Variants in ITPR1 observed in about 807,000 individuals in gnomAD.
ITPR1 encodes the protein inositol 1,4,5-trisphosphate receptor type 1, also known as inositol 1,4,5-trisphosphate-gated calcium channel ITPR1.
ITPR1 carries 96 observed loss-of-function variants against 318.4 expected under a neutral mutation model. The ratio of observed to expected loss-of-function variants is 0.30; its 90% confidence interval spans 0.26 to 0.36. The LOEUF (loss-of-function observed/expected upper bound fraction) is 0.36. Ranked by LOEUF, ITPR1 falls within the 10% of genes least tolerant of loss-of-function variation. The pLI is 1.00. For missense variants in ITPR1, 2,440 were observed against 3,460.2 expected (o/e 0.71, Z 7.40); for synonymous variants, 1,312 against 1,289.9 (o/e 1.02, Z -0.37).
chr3:4,829,881 A>C (rs1011908681), intron 60 of ITPR1, among the ~76,000 whole-genome samples: 3 of 142,892 alleles, frequency 2.1e-5, no homozygotes, highest in Non-Finnish European at 4.6e-5. Context: ...CCTGAGCCTC[A>C]GGCTGTCTCT....
rs544648023 is a variant in ITPR1 at position 4,507,955 on chromosome 3, G to A, written c.-16-8521G>A. Among the ~76,000 whole-genome samples, 5 of 152,304 alleles carry A rather than the reference G, an allele frequency of 3.3e-5. No individual in the cohort carries two copies. The South Asian group carries it at 1.0e-3, about 32-fold the overall frequency. ...TTACAAATTCAGGCTTCTGGGGAGT[G>A]TTTTGCGTGTGTCTTGGGTCAGTGA... On this transcript the variant is annotated intron_variant, in intron 2 of 61. Transcript: ENST00000649015.
chr3:4,830,748 G>A (rs916647219), intron 60 of ITPR1, among the ~76,000 whole-genome samples: 12 of 152,082 alleles, frequency 7.9e-5, no homozygotes, highest in South Asian at 2.1e-4. Context: ...GACCATCTTC[G>A]CCTCCTTGCG....
At chr3:4,634,611 GA>G (rs1356052421) in intron 5 of ITPR1, among the ~76,000 whole-genome samples, 2 of 151,918 alleles carry the variant, frequency 1.3e-5, no homozygotes, top group African/African-American at 2.4e-5. Context: ...CTGTGAGTAG[GA>G]AAAGCAAAAA....
intron 40 of ITPR1, 68 bp downstream of exon 40, chr3:4,717,467 G>A (rs538390989): frequency 7.9e-6 from 10 of 1,261,314 alleles, no homozygotes; most frequent in Non-Finnish European, 1.1e-5. Context: ...TTCCCAGTTA[G>A]CCCTGTGATC....
chr3:4,764,674 C>T (rs1197782181), intron 44 of ITPR1, among the ~76,000 whole-genome samples: 2 of 152,172 alleles, frequency 1.3e-5, no homozygotes, highest in South Asian at 2.1e-4. Flanking sequence ...GATGAGGGGC[C>T]CTAGCTGTGG....
intron 59 of ITPR1, chr3:4,817,566 G>A (rs1273403771): frequency 2.0e-5 from 3 of 152,228 alleles, no homozygotes; most frequent in African/African-American, 4.8e-5. Flanking sequence ...AATACGTACA[G>A]ACTAGAATTG....
intron 60 of ITPR1, among the ~76,000 whole-genome samples, chr3:4,829,712 T>C (rs1250116383): frequency 6.6e-6 from 1 of 152,166 alleles, no homozygotes; most frequent in East Asian, 1.9e-4. Flanking sequence ...TTGATATTAA[T>C]GTCCCTCCAT....
At chr3:4,508,792 C>T (rs541106297) in intron 2 of ITPR1, among the ~76,000 whole-genome samples, 12 of 152,198 alleles carry the variant, frequency 7.9e-5, no homozygotes, top group East Asian at 5.8e-4. Flanking sequence ...TGTTAGAAGG[C>T]GGGGGAGTTG....
chr3:4,704,146 C>G (rs910211183), intron 36 of ITPR1, among the ~76,000 whole-genome samples: 1 of 152,182 alleles, frequency 6.6e-6, no homozygotes, highest in Non-Finnish European at 1.5e-5. Context: ...GGCGCAGTGG[C>G]TCATGCCTGT....
At chr3:4,703,039 C>T (rs1366409232) in intron 36 of ITPR1, 89 bp downstream of exon 36, 3 of 1,428,310 alleles carry the variant, frequency 2.1e-6, no homozygotes, top group Admixed American at 1.9e-5. Flanking sequence ...CTCATTACAA[C>T]TCTTCTAAAG....
intron 40 of ITPR1, among the ~76,000 whole-genome samples, chr3:4,724,911 C>G (rs1332521233): frequency 1.3e-5 from 2 of 152,158 alleles, no homozygotes; most frequent in East Asian, 3.9e-4. Context: ...AAGGGAAACG[C>G]ATGGGGTGGG....
intron 2 of ITPR1, among the ~76,000 whole-genome samples, chr3:4,503,492 AC>A (rs1298316461): frequency 2.6e-5 from 4 of 152,244 alleles, no homozygotes; most frequent in African/African-American, 9.6e-5. Flanking sequence ...AGATAAAAAA[AC>A]AAAGCAAAAC....
chr3:4,724,927 C>T (rs1245749104), intron 40 of ITPR1, among the ~76,000 whole-genome samples: 1 of 152,174 alleles, frequency 6.6e-6, no homozygotes, highest in Admixed American at 6.5e-5. Context: ...GTGGGAAACT[C>T]ATCTCCAAAG....
rs750500561 is a variant in ITPR1 at position 4,520,975 on chromosome 3, A to G, written c.93-49A>G. 7.3e-6 allele frequency: 10 copies of G among 1,366,234 alleles called. No individual in the cohort carries two copies. The African/African-American group carries it at 1.0e-4, about 14-fold the overall frequency. 84.6% of individuals were successfully genotyped at this position (1,366,234 alleles called of 1,614,324 possible). A position where few individuals can be genotyped will look rare whatever the true frequency, so the allele number is the denominator to read the frequency against. Reference sequence around the variant, plus strand: ...TATCTGATTTTTGCATAGTGCTAAGAGTTTCATTTTCATACACTTGACAGA... The same window carrying G: ...TATCTGATTTTTGCATAGTGCTAAGGGTTTCATTTTCATACACTTGACAGA... On this transcript the variant is annotated intron_variant, in intron 3 of 61. Coordinates refer to ENST00000649015, the MANE Select transcript of ITPR1 (RefSeq NM_001378452.1).
intron 50 of ITPR1, 23 bp from the exon 51 acceptor site, chr3:4,783,793 G>A (rs780336397): frequency 1.9e-6 from 3 of 1,551,432 alleles, no homozygotes; most frequent in South Asian, 1.2e-5. Flanking sequence ...CCAACCTCCT[G>A]TATCTCTGTC....
chr3:4,845,735 C>A (rs1286188438), intron 61 of ITPR1, among the ~76,000 whole-genome samples: 2 of 152,156 alleles, frequency 1.3e-5, no homozygotes, highest in Admixed American at 1.3e-4. Flanking sequence ...CACGAACCCT[C>A]CCTCTCAAAC....
intron 46 of ITPR1, among the ~76,000 whole-genome samples, chr3:4,772,256 G>C (rs2046235678): frequency 6.6e-6 from 1 of 152,252 alleles, no homozygotes. Context: ...CATAAGGAGA[G>C]AGTGTTCAGC....
At chr3:4,829,638 G>A (rs1374613199) in intron 60 of ITPR1, among the ~76,000 whole-genome samples, 1 of 152,082 alleles carries the variant, frequency 6.6e-6, no homozygotes. Context: ...TCCTCTGTTA[G>A]TAACGTTTTG....
intron 24 of ITPR1, 127 bp downstream of exon 24, chr3:4,676,928 C>A: frequency 1.5e-6 from 1 of 663,810 alleles, no homozygotes; most frequent in Non-Finnish European, 2.5e-6. Context: ...TTAGCTCATC[C>A]CTCCGTGTCA....
Sources: allele counts gnomAD v4.1 joint callset (sites outside exome capture counted in the v4.1 genomes callset), GRCh38; gene constraint gnomAD v4.1.1; transcripts MANE v1.5; gene names NCBI Gene and HGNC (gene_info 2026-07-23, HGNC 2026-07-21).